The following PABPC4 variants were observed in gnomAD, a reference collection of about 807,000 sequenced individuals.
PABPC4 encodes the protein polyadenylate-binding protein 4.
In PABPC4, 15 loss-of-function variants were observed where a neutral mutation model predicts 74.5. The observed-to-expected ratio is 0.20, with a 90% CI of 0.13 to 0.31. The LOEUF (loss-of-function observed/expected upper bound fraction) is 0.31, where lower values mean the gene tolerates loss of function less well. Among genes scored for constraint, PABPC4 ranks in the 10% least tolerant of loss-of-function variants. The pLI is 1.00. For synonymous variants in PABPC4, 345 were observed against 303.0 expected, an observed-to-expected ratio of 1.14 and a Z score of -1.44; for missense variants, 610 against 853.5, an observed-to-expected ratio of 0.71 and a Z score of 3.55.
rs768944690 is a variant in PABPC4, at chr1:39,561,099, A to G, written c.*37T>C. 2 of 470,806 alleles carry G rather than the reference A, an allele frequency of 4.2e-6. No individual in the cohort carries two copies. The highest frequency in any genetic ancestry group is 3.1e-5 in the South Asian group (2 of 64,534). 29.2% of individuals were successfully genotyped at this position (470,806 alleles called of 1,614,324 possible). A position where few individuals can be genotyped will look rare whatever the true frequency, so the allele number is the denominator to read the frequency against. ...CTTCAAACCTTGAGTTGAATTCCAT[A>G]AGGGGTTATTTGGCTTTTGAATCCT... On this transcript the variant is annotated 3_prime_UTR_variant, in exon 16 of 16. Coordinates refer to ENST00000372858, the MANE Select transcript of PABPC4 (RefSeq NM_001135653.2).
At chr1:39,569,483 T>C in intron 5 of PABPC4, 112 bp downstream of exon 5, 2 of 755,466 alleles carry the variant, frequency 2.6e-6, no homozygotes, top group Non-Finnish European at 4.8e-6. Context: ...TAATGGTACA[T>C]CTACTACCAG....
Position 39,572,471 on chromosome 1 carries a change from G to A in PABPC4, c.309C>T (p.Ile103=). ...LRKSGVGNVF[I]KNLDKSIDNK... is the part of the protein sequence containing the mutation. ...TATCTATAGATTTGTCCAGGTTCTT[G>A]ATGAAGACGTTTCCCACACCAGATT... Residue 103 remains isoleucine, a synonymous_variant, in exon 2 of 16, where the codon ATC becomes ATT. Transcript: ENST00000372858. 6.2e-7 allele frequency: 1 copy of A among 1,614,062 alleles called. No homozygotes were observed. Among genetic ancestry groups the A allele is most frequent in the Non-Finnish European group, 8.5e-7 (1 of 1,179,908 alleles).
At chr1:39,571,526 T>C in intron 2 of PABPC4, 177 bp from the exon 3 acceptor site, 2 of 640,872 alleles carry the variant, frequency 3.1e-6, no homozygotes, top group Non-Finnish European at 2.7e-6. Context: ...AAGTGTTCCA[T>C]TTACAAAGGT....
At position 39,576,068 on chromosome 1, in the gene PABPC4, C is replaced by A. The variant is rs1646021798; in HGVS notation, c.-117G>T. 8.8e-6 allele frequency: 6 copies of A among 683,710 alleles called. No homozygotes were observed. The East Asian group carries it at 2.0e-4, about 23-fold the overall frequency. The allele number at this position is 683,710 out of a possible 1,614,324, so 42.4% of individuals were successfully genotyped here. On this transcript the variant is annotated 5_prime_UTR_variant, in exon 1 of 16. Coordinates refer to ENST00000372858, the MANE Select transcript of PABPC4 (RefSeq NM_001135653.2). ...CGCCGCGGCTCACAGGTGGCACCGG[C>A]GCGGCGAGGACGAGCTGGAGTCGGC... is the stretch of plus-strand genomic sequence containing the variant.
At chr1:39,564,794 CA>C in intron 8 of PABPC4, 21 bp from the exon 9 acceptor site, 1 of 1,576,544 alleles carries the variant, frequency 6.3e-7, no homozygotes, top group Non-Finnish European at 8.7e-7. Flanking sequence ...GAAGAATACC[CA>C]AACACCCCCT....
At chr1:39,563,001 C>T (rs1645785657) in intron 12 of PABPC4, 2 of 153,264 alleles carry the variant, frequency 1.3e-5, no homozygotes, top group South Asian at 2.1e-4. Flanking sequence ...TAGGAAATCC[C>T]CAACTTAGAG....
chr1:39,570,709 A>G (rs1645927361), intron 3 of PABPC4: 1 of 157,878 alleles, frequency 6.3e-6, no homozygotes, highest in Admixed American at 6.1e-5. Flanking sequence ...AAGGGATGGG[A>G]TTTTTTCATT....
chr1:39,565,963 C>T (rs1490806371), intron 7 of PABPC4, among the ~76,000 whole-genome samples: 1 of 152,250 alleles, frequency 6.6e-6, no homozygotes, highest in Admixed American at 6.5e-5. Context: ...TTCAGAAGAA[C>T]CAGAAAGCCT....
intron 6 of PABPC4, chr1:39,568,235 C>T (rs1341537870): frequency 1.3e-5 from 2 of 159,884 alleles, no homozygotes; most frequent in Non-Finnish European, 2.7e-5. Flanking sequence ...CCAACCTGGG[C>T]GACAGAGCGA....
chr1:39,565,403 A>C (rs768162959), intron 7 of PABPC4, 25 bp from the exon 8 acceptor site: 1 of 1,594,492 alleles, frequency 6.3e-7, no homozygotes, highest in Admixed American at 1.7e-5. Flanking sequence ...CAGCTACTTA[A>C]GAAATAAGGT....
rs137869976 is a variant in PABPC4 at position 39,568,897 on chromosome 1, T to C, written c.781A>G (p.Ile261Val). ...MNGKEISGKIIFVGRAQKKVE... is the reference protein window; with the variant it reads ...MNGKEISGKIVFVGRAQKKVE... Reference sequence around the variant, plus strand: ...TTCTTTTGTGCACGGCCTACAAATATGATTTTACCACTTATTTCTTTTCCA... The same window carrying C: ...TTCTTTTGTGCACGGCCTACAAATACGATTTTACCACTTATTTCTTTTCCA... The change falls in exon 6 of 16, where the codon ATA (isoleucine) becomes GTA (valine). Residue 261 changes from isoleucine to valine, a missense_variant. Ile to Val is a conservative substitution (Grantham distance 29, BLOSUM62 3). Transcript: ENST00000372858. 7.4e-6 allele frequency: 12 copies of C among 1,613,944 alleles called. No homozygotes were observed. The African/African-American group carries it at 1.2e-4, about 16-fold the overall frequency.
Position 39,575,857 on chromosome 1 carries a change from C to T in PABPC4, c.95G>A (p.Ser32Asn). ...VTEAMLYEKF[S>N]PAGPVLSIRV... ...GATGGACAGCACAGGCCCCGCGGGGCTGAACTTTTCGTACAGCATGGCCTC... is the reference window on the plus strand; with the variant it reads ...GATGGACAGCACAGGCCCCGCGGGGTTGAACTTTTCGTACAGCATGGCCTC... Residue 32 changes from serine to asparagine, a missense_variant, in exon 1 of 16, where the codon AGC (serine) becomes AAC (asparagine). Ser to Asn is a conservative substitution (Grantham distance 46, BLOSUM62 1). Around this residue, in one of 4 missense-constraint regions of PABPC4, gnomAD observed 304 missense variants for 478.9 expected, o/e 0.63. Coordinates refer to ENST00000372858, the MANE Select transcript of PABPC4 (RefSeq NM_001135653.2). The T allele has an allele frequency of 6.2e-7, 1 of 1,612,724 alleles. No homozygotes were observed. The highest frequency in any genetic ancestry group is 1.7e-5 in the Admixed American group (1 of 59,996).
chr1:39,576,116 CG>C lies in PABPC4; in HGVS notation c.-166del. 1 of 519,630 alleles carries C rather than the reference CG, an allele frequency of 1.9e-6. No individual in the cohort carries two copies. Among genetic ancestry groups the C allele is most frequent in the Non-Finnish European group, 3.4e-6 (1 of 297,412 alleles). 32.2% of individuals were successfully genotyped at this position (519,630 alleles called of 1,614,324 possible). A position where few individuals can be genotyped will look rare whatever the true frequency, so the allele number is the denominator to read the frequency against. The stretch of plus-strand genomic sequence containing the variant: ...GGCGGGCTTGGAGACGGGACGGAAA[CG>C]GGAGGCGGGGGCCGGCTCCCACGGC... On this transcript the variant is annotated 5_prime_UTR_variant, in exon 1 of 16. Coordinates refer to ENST00000372858, the MANE Select transcript of PABPC4 (RefSeq NM_001135653.2).
chr1:39,574,540 T>C (rs944818687), intron 1 of PABPC4, among the ~76,000 whole-genome samples: 9 of 152,204 alleles, frequency 5.9e-5, no homozygotes, highest in Non-Finnish European at 1.2e-4. Context: ...TGGTACATTA[T>C]CCCTTAAAAA....
At position 39,570,372 on chromosome 1, in the gene PABPC4, AT is replaced by A. The variant is rs560776040; in HGVS notation, c.504-371del. The A allele has an allele frequency of 3.6e-3, 712 of 198,968 alleles. 3 individuals are homozygous for A. Among genetic ancestry groups the A allele is most frequent in the Non-Finnish European group, 5.5e-3 (547 of 98,868 alleles). 12.3% of individuals were successfully genotyped at this position (198,968 alleles called of 1,614,324 possible). On this transcript the variant is annotated intron_variant, in intron 3 of 15. Transcript: ENST00000372858. ...AACAGTGGTTAATCCTAGATATGAG[AT>A]TGTTGGAGTGAAGGGGCACCCTTTG...
chr1:39,565,868 A>C (rs971342343), intron 7 of PABPC4, among the ~76,000 whole-genome samples: 4 of 144,842 alleles, frequency 2.8e-5, no homozygotes, highest in African/African-American at 1.0e-4. Context: ...CAAAACAAAA[A>C]CACCAACCAA....
chr1:39,563,910 G>C lies in PABPC4; in HGVS notation c.1466C>G (p.Pro489Arg), dbSNP rs1477042132. Residue 489 changes from proline to arginine, a missense_variant, in exon 11 of 16, where the codon CCG becomes CGG. Physicochemically the swap from Pro to Arg is moderately radical, Grantham distance 103. This residue lies in a region of PABPC4 where 277 missense variants were observed against 301.8 expected (regional missense o/e 0.92). Transcript: ENST00000372858. ...ACCAAAGTCCATAGCCAAGCGGTCC[G>C]GGCACTCAGACCCTACAACAGACCA... ...TTTQRVGSEC[P>R]DRLAMDFGGA... 1.9e-6 allele frequency: 3 copies of C among 1,614,052 alleles called. No individual in the cohort carries two copies. The highest frequency in any genetic ancestry group is 2.5e-6 in the Non-Finnish European group (3 of 1,180,046).
intron 1 of PABPC4, among the ~76,000 whole-genome samples, chr1:39,575,483 C>T (rs936677045): frequency 5.3e-5 from 8 of 152,330 alleles, no homozygotes; most frequent in Non-Finnish European, 1.0e-4. Flanking sequence ...AGTGGCTTCA[C>T]TCTAATCCTG....
chr1:39,569,459 A>AT, intron 5 of PABPC4, 136 bp downstream of exon 5: 1 of 669,022 alleles, frequency 1.5e-6, no homozygotes, highest in African/African-American at 1.8e-5. Context: ...CAGGAAGATG[A>AT]TCCCAGAGTA....
Sources: allele counts gnomAD v4.1 joint callset (sites outside exome capture counted in the v4.1 genomes callset), GRCh38; gene constraint gnomAD v4.1.1; regional missense constraint gnomAD v4.1.1; transcripts MANE v1.5; gene names NCBI Gene and HGNC (gene_info 2026-07-23, HGNC 2026-07-21).